The following SETDB1 variants were observed in gnomAD, a reference collection of about 807,000 sequenced individuals.
The protein encoded by SETDB1 is SET domain bifurcated histone lysine methyltransferase 1.
In SETDB1, 31 loss-of-function variants were observed where a neutral mutation model predicts 137.4. That is an observed-to-expected ratio of 0.23 (90% CI 0.17 to 0.30). The LOEUF is 0.30. Among genes scored for constraint, SETDB1 ranks in the 10% least tolerant of loss-of-function variants. SETDB1 has a pLI of 1.00. For synonymous variants in SETDB1, 548 were observed against 579.9 expected, an observed-to-expected ratio of 0.95 and a Z score of 0.79; for missense variants, 1,113 against 1,631.5, an observed-to-expected ratio of 0.68 and a Z score of 5.47.
At chr1:150,956,830 A>T (rs1177579148) in intron 14 of SETDB1, among the ~76,000 whole-genome samples, 1 of 152,082 alleles carries the variant, frequency 6.6e-6, no homozygotes, top group Non-Finnish European at 1.5e-5. Context: ...AGTTAGAAAA[A>T]AAAGCTAGAC....
chr1:150,946,998 C>G lies in SETDB1; in HGVS notation c.1253C>G (p.Thr418Arg), dbSNP rs1571645362. 6.2e-7 allele frequency: 1 copy of G among 1,614,094 alleles called. No homozygotes were observed. Among genetic ancestry groups the G allele is most frequent in the Middle Eastern group, 1.7e-4 (1 of 6,060 alleles). The stretch of plus-strand genomic sequence containing the variant: ...GAGAAGAAGCAAGGACAGCTCAGGA[C>G]ACGTCCAAATATGGGTATGTCCTGA... ...ALEKKQGQLR[T>R]RPNMGAVRSK... Residue 418 changes from threonine to arginine, a missense_variant, in exon 10 of 22, where the codon ACA (threonine) becomes AGA (arginine). This residue lies in a region of SETDB1 where 154 missense variants were observed against 303.1 expected (regional missense o/e 0.51). Coordinates refer to ENST00000692827, the MANE Select transcript of SETDB1 (RefSeq NM_001366418.1).
intron 12 of SETDB1, among the ~76,000 whole-genome samples, 164 bp from the exon 13 acceptor site, chr1:150,950,294 T>C (rs1223414377): frequency 1.3e-5 from 2 of 152,124 alleles, no homozygotes; most frequent in Non-Finnish European, 2.9e-5. Flanking sequence ...GGAGTTTCAT[T>C]GTCCAGGTTT....
In SETDB1 at chr1:150,949,203, C is replaced by A. The variant is rs772235595; in HGVS notation, c.1349C>A (p.Pro450His). ...GGAACCCAGTTCAAGCCAGTGGAAC[C>A]CCCACAGCCTACAGCTCCACCTGCC... is the stretch of plus-strand genomic sequence containing the variant. ...GTGTQFKPVE[P>H]PQPTAPPAPP... The change falls in exon 11 of 22, where the codon CCC (proline) becomes CAC (histidine). Residue 450 changes from proline (P) to histidine (H), a missense_variant. This residue lies in a region of SETDB1 where 192 missense variants were observed against 198.1 expected (regional missense o/e 0.97). Coordinates refer to ENST00000692827, the MANE Select transcript of SETDB1 (RefSeq NM_001366418.1). 6.2e-7 allele frequency: 1 copy of A among 1,614,078 alleles called. No individual in the cohort carries two copies. Among genetic ancestry groups the A allele is most frequent in the South Asian group, 1.1e-5 (1 of 91,074 alleles).
Position 150,961,212 on chromosome 1 carries a change from C to CT in SETDB1, c.3132+22dup, listed in dbSNP as rs753454331. On this transcript the variant is annotated intron_variant, in intron 16 of 21. Transcript: ENST00000692827. ...AAGAGGTAAGCAGTGGCAGAACACT[C>CT]TGAGAGCTATGGCTTTAACTTTGGT... 2.2e-5 allele frequency: 36 copies of CT among 1,609,568 alleles called. No individual in the cohort carries two copies. The East Asian group carries it at 2.7e-4, about 12-fold the overall frequency.
chr1:150,951,360 T>C lies in SETDB1; in HGVS notation c.2217-5T>C. ...TCCTTTCCTTTATTTCCCTCTGTCA[T>C]ATAGGTCCAAGTGTGCCTGCCATCA... On this transcript the variant is annotated splice_polypyrimidine_tract_variant and splice_region_variant and intron_variant, in intron 13 of 21. Coordinates refer to ENST00000692827, the MANE Select transcript of SETDB1 (RefSeq NM_001366418.1). 3 of 1,591,136 alleles carry C rather than the reference T, an allele frequency of 1.9e-6. No individual in the cohort carries two copies. The highest frequency in any genetic ancestry group is 2.6e-6 in the Non-Finnish European group (3 of 1,159,234).
intron 14 of SETDB1, among the ~76,000 whole-genome samples, chr1:150,957,756 C>T (rs901783191): frequency 7.2e-5 from 11 of 152,164 alleles, no homozygotes; most frequent in Admixed American, 5.9e-4. Flanking sequence ...CAGGCTGGAG[C>T]GCAGTGGTAT....
chr1:150,947,490 G>T (rs1670364058), intron 10 of SETDB1, among the ~76,000 whole-genome samples: 1 of 152,022 alleles, frequency 6.6e-6, no homozygotes. Context: ...CCCAGACCTG[G>T]CCAGGCACAG....
At chr1:150,942,464 T>G in intron 5 of SETDB1, 99 bp from the exon 6 acceptor site, 1 of 982,324 alleles carries the variant, frequency 1.0e-6, no homozygotes, top group Non-Finnish European at 1.5e-6. Context: ...AAAAAAAAAT[T>G]ACCCCACTTT....
intron 6 of SETDB1, 24 bp downstream of exon 6, chr1:150,942,712 A>C (rs765669480): frequency 5.6e-6 from 9 of 1,605,862 alleles, no homozygotes; most frequent in Non-Finnish European, 6.8e-6. Flanking sequence ...TGGAGGAACC[A>C]CTCCTGAAAG....
At chr1:150,928,173 T>C in intron 2 of SETDB1, 199 bp downstream of exon 2, 3 of 572,172 alleles carry the variant, frequency 5.2e-6, no homozygotes, top group Admixed American at 3.3e-5. Context: ...TTCTCCCACC[T>C]CCCCCTCCCG....
chr1:150,931,075 C>T (rs892127296), intron 3 of SETDB1, among the ~76,000 whole-genome samples: 4 of 151,290 alleles, frequency 2.6e-5, no homozygotes, highest in African/African-American at 7.3e-5. Context: ...GCCTGGCCAA[C>T]GTAGCAAGAC....
At position 150,960,709 on chromosome 1, in the gene SETDB1, G is replaced by A. The variant is rs764110498; in HGVS notation, c.2650G>A (p.Val884Ile). The change falls in exon 16 of 22, where the codon GTA (valine) becomes ATA (isoleucine). Residue 884 changes from valine to isoleucine, a missense_variant. Val to Ile is a conservative substitution (Grantham distance 29). This residue lies in a region of SETDB1 where 373 missense variants were observed against 412.7 expected (regional missense o/e 0.90). Transcript: ENST00000692827. ...DAPCSSDSSG[V>I]DLKDQEDGNS... Reference sequence around the variant, plus strand: ...CCCCTGTTCCTCTGACAGCAGTGGTGTAGACTTGAAGGACCAGGAAGATGG... The same window carrying A: ...CCCCTGTTCCTCTGACAGCAGTGGTATAGACTTGAAGGACCAGGAAGATGG... The A allele has an allele frequency of 1.2e-6, 2 of 1,611,828 alleles. No homozygotes were observed. The highest frequency in any genetic ancestry group is 1.7e-6 in the Non-Finnish European group (2 of 1,178,960).
At position 150,964,392 on chromosome 1, in the gene SETDB1, G is replaced by A. The variant is rs751798254; in HGVS notation, c.*28G>A. 65 of 1,533,624 alleles carry A rather than the reference G, an allele frequency of 4.2e-5. No individual in the cohort carries two copies. The highest frequency in any genetic ancestry group is 1.7e-4 in the Middle Eastern group (1 of 5,922). ...GACAGCCTTCTTCCCAACCCTTCTT[G>A]AACTGTCGTTTCCTCAGGAACTGGG... On this transcript the variant is annotated 3_prime_UTR_variant, in exon 22 of 22. Coordinates refer to ENST00000692827, the MANE Select transcript of SETDB1 (RefSeq NM_001366418.1).
rs764652774 is a variant in SETDB1, at chr1:150,964,000, T to C, written c.3678T>C (p.Ser1226=). The part of the protein sequence containing the change: ...EGNLGRYLNH[S]CSPNLFVQNV... ...TCCTGTCCTTAAACCTACAGCACAG[T>C]TGCAGCCCCAACCTGTTTGTCCAGA... The change falls in exon 21 of 22, where the codon AGT becomes AGC. Residue 1226 remains serine (S), a synonymous_variant. Transcript: ENST00000692827. 5.0e-6 allele frequency: 8 copies of C among 1,613,926 alleles called. No individual in the cohort carries two copies. The highest frequency in any genetic ancestry group is 1.3e-5 in the African/African-American group (1 of 74,918).
Position 150,945,035 on chromosome 1 carries a change from C to G in SETDB1, c.1067C>G (p.Thr356Ser), listed in dbSNP as rs764350998. Residue 356 changes from threonine to serine, a missense_variant, in exon 9 of 22, where the codon ACT (threonine) becomes AGT (serine). Physicochemically the swap from Thr to Ser is moderately conservative, Grantham distance 58. Around this residue, in one of 11 missense-constraint regions of SETDB1, gnomAD observed 154 missense variants for 303.1 expected, o/e 0.51. Transcript: ENST00000692827. ...VLLKSGQLIK[T>S]EWEGTWWKSR... is the part of the protein sequence containing the mutation. Reference sequence around the variant, plus strand: ...CTCAAGAGTGGCCAGCTTATCAAGACTGAGTGGGAAGGCACGTGGTGGAAG... The same window carrying G: ...CTCAAGAGTGGCCAGCTTATCAAGAGTGAGTGGGAAGGCACGTGGTGGAAG... The G allele has an allele frequency of 3.1e-6, 5 of 1,614,008 alleles. No homozygotes were observed. The African/African-American group carries it at 6.7e-5, about 22-fold the overall frequency.
At chr1:150,933,767 CTTTTTCTTTTTCTT>C (rs1402378309) in intron 3 of SETDB1, among the ~76,000 whole-genome samples, 3 of 116,818 alleles carry the variant, frequency 2.6e-5, no homozygotes, top group Non-Finnish European at 5.4e-5. Context: ...TTTTCTTTTT[CTTTTTCTTTTTCTT>C]TTTTTTTTTT....
intron 14 of SETDB1, among the ~76,000 whole-genome samples, chr1:150,953,708 A>G (rs771035461): frequency 6.6e-6 from 1 of 152,150 alleles, no homozygotes; most frequent in East Asian, 1.9e-4. Context: ...GCACGCCTGT[A>G]ATCTCAGCTA....
At chr1:150,948,270 A>ATTT (rs376302541) in intron 10 of SETDB1, among the ~76,000 whole-genome samples, 1,382 of 135,862 alleles carry the variant, frequency 0.01, 16 homozygotes, top group South Asian at 0.015. Flanking sequence ...CAGAGTAGCA[A>ATTT]TTTTTTTTTT....
At chr1:150,947,360 T>C (rs587744499) in intron 10 of SETDB1, among the ~76,000 whole-genome samples, 1 of 152,220 alleles carries the variant, frequency 6.6e-6, no homozygotes, top group East Asian at 1.9e-4. Context: ...GGGCTTGATA[T>C]GTTACCCAGG....
Sources: allele counts gnomAD v4.1 joint callset (sites outside exome capture counted in the v4.1 genomes callset), GRCh38; gene constraint gnomAD v4.1.1; regional missense constraint gnomAD v4.1.1; transcripts MANE v1.5; gene names NCBI Gene and HGNC (gene_info 2026-07-23, HGNC 2026-07-21).